The following RGS20 variants were observed in gnomAD, a reference collection of about 807,000 sequenced individuals.
RGS20 encodes gz-selective GTPase-activating protein.
Under a neutral mutation model 33.6 loss-of-function variants are expected in RGS20, and 30 were observed. The ratio of observed to expected loss-of-function variants is 0.89; its 90% CI spans 0.67 to 1.21. The LOEUF (loss-of-function observed/expected upper bound fraction) is 1.21. Ranked by LOEUF, RGS20 falls within the 50% of genes most tolerant of loss-of-function variation. The pLI is 0.00. For synonymous variants in RGS20, 208 were observed against 197.9 expected (o/e 1.05, Z -0.43); for missense variants, 472 against 502.4 (o/e 0.94, Z 0.58).
intron 2 of RGS20, among the ~76,000 whole-genome samples, chr8:53,910,461 T>A (rs895157942): frequency 6.6e-6 from 1 of 152,142 alleles, no homozygotes; most frequent in African/African-American, 2.4e-5. Context: ...GACAAGGATG[T>A]GGAACAATTG....
chr8:53,903,931 A>T (rs1585905431), intron 2 of RGS20, among the ~76,000 whole-genome samples: 1 of 152,174 alleles, frequency 6.6e-6, no homozygotes, highest in Admixed American at 6.5e-5. Flanking sequence ...AACTAGGGCC[A>T]TATCACGTGG....
Position 53,851,889 on chromosome 8 carries a change from A to G in RGS20, c.-11A>G, listed in dbSNP as rs1811571138. On this transcript the variant is annotated 5_prime_UTR_variant, in exon 1 of 6. Coordinates refer to ENST00000297313, the MANE Select transcript of RGS20 (RefSeq NM_170587.4). ...GCAACAGGACTCATTTGGGGCCTTT[A>G]TTGTGAAAACATGCCCCAGCTTTCC... The G allele has an allele frequency of 1.2e-6, 2 of 1,613,586 alleles. No individual in the cohort carries two copies. The highest frequency in any genetic ancestry group is 2.2e-5 in the South Asian group (2 of 91,052).
chr8:53,944,308 G>A (rs1187394035), intron 3 of RGS20, among the ~76,000 whole-genome samples: 1 of 152,176 alleles, frequency 6.6e-6, no homozygotes, highest in Non-Finnish European at 1.5e-5. Context: ...GGGAGGCCGA[G>A]GCGGGCAGAT....
At chr8:53,884,804 GCTA>G (rs1812492642) in intron 2 of RGS20, among the ~76,000 whole-genome samples, 1 of 152,220 alleles carries the variant, frequency 6.6e-6, no homozygotes, top group Non-Finnish European at 1.5e-5. Context: ...TCATGTCGTG[GCTA>G]CTGTTGTCCC....
intron 2 of RGS20, among the ~76,000 whole-genome samples, chr8:53,885,790 C>CTTTTTTT (rs1172257852): frequency 3.5e-5 from 4 of 112,742 alleles, no homozygotes; most frequent in Admixed American, 9.4e-5. Flanking sequence ...GTATCTTACT[C>CTTTTTTT]TTTTTTTTTT....
intron 2 of RGS20, among the ~76,000 whole-genome samples, chr8:53,917,800 T>C (rs1813531696): frequency 6.6e-6 from 1 of 152,166 alleles, no homozygotes; most frequent in African/African-American, 2.4e-5. Flanking sequence ...TTTAGTATAC[T>C]TACAAAGTTG....
intron 2 of RGS20, among the ~76,000 whole-genome samples, chr8:53,916,949 C>G (rs550198632): frequency 1.8e-3 from 280 of 152,194 alleles, no homozygotes; most frequent in African/African-American, 6.7e-3. Flanking sequence ...GACACGAATC[C>G]CTTTCATAAA....
intron 2 of RGS20, among the ~76,000 whole-genome samples, chr8:53,884,072 T>C (rs528722917): frequency 6.6e-6 from 1 of 152,136 alleles, no homozygotes; most frequent in African/African-American, 2.4e-5. Context: ...ATTATATTGA[T>C]GCTAAATTGG....
intron 1 of RGS20, among the ~76,000 whole-genome samples, chr8:53,861,203 C>G (rs930550053): frequency 6.6e-6 from 1 of 152,180 alleles, no homozygotes; most frequent in African/African-American, 2.4e-5. Context: ...TACACATCTT[C>G]TCTGTTTATC....
At chr8:53,940,935 ATATT>A (rs1814273417) in intron 3 of RGS20, among the ~76,000 whole-genome samples, 1 of 152,162 alleles carries the variant, frequency 6.6e-6, no homozygotes, top group South Asian at 2.1e-4. Flanking sequence ...TTAGGGGCCT[ATATT>A]CTCACTCTGC....
intron 4 of RGS20, among the ~76,000 whole-genome samples, chr8:53,949,845 CTTTT>C (rs146812689): frequency 6.9e-6 from 1 of 145,656 alleles, no homozygotes. Context: ...TAACACATTT[CTTTT>C]TTTTTTTTGA....
chr8:53,914,729 C>T (rs1813437514), intron 2 of RGS20: 1 of 152,114 alleles, frequency 6.6e-6, no homozygotes, highest in Non-Finnish European at 1.5e-5. Context: ...GTGCTCACTT[C>T]AGCAGCACAT....
At chr8:53,946,543 TC>T (rs775726730) in intron 3 of RGS20, 121 bp from the exon 3 acceptor site, 5 of 869,336 alleles carry the variant, frequency 5.8e-6, no homozygotes, top group Non-Finnish European at 9.7e-6. Context: ...CATTTTTTTT[TC>T]CAAGTAGAGG....
At chr8:53,911,395 A>G (rs1360318990) in intron 2 of RGS20, among the ~76,000 whole-genome samples, 3 of 152,258 alleles carry the variant, frequency 2.0e-5, no homozygotes, top group African/African-American at 7.2e-5. Flanking sequence ...AATCTGATTC[A>G]GATAAGAGGA....
intron 1 of RGS20, among the ~76,000 whole-genome samples, chr8:53,859,754 G>A (rs1302356391): frequency 6.6e-6 from 1 of 152,196 alleles, no homozygotes; most frequent in African/African-American, 2.4e-5. Flanking sequence ...CAATCATGGT[G>A]GAAGGCAAAG....
chr8:53,958,471 ATATT>A lies in RGS20; in HGVS notation c.*18_*21del, dbSNP rs1433473663. 14 of 1,324,370 alleles carry A rather than the reference ATATT, an allele frequency of 1.1e-5. No individual in the cohort carries two copies. The highest frequency in any genetic ancestry group is 2.8e-5 in the East Asian group (1 of 35,332). 82.0% of individuals were successfully genotyped at this position (1,324,370 alleles called of 1,614,324 possible). ...TATTGAAGCATAGGATTTTTCAAATATATTTATTATTAATAAAATAATAAAAGAA... is the reference window on the plus strand; with the variant it reads ...TATTGAAGCATAGGATTTTTCAAATATATTATTAATAAAATAATAAAAGAA... On this transcript the variant is annotated 3_prime_UTR_variant, in exon 6 of 6. Transcript: ENST00000297313.
chr8:53,873,356 A>G (rs1046626318), intron 1 of RGS20, among the ~76,000 whole-genome samples: 1 of 152,174 alleles, frequency 6.6e-6, no homozygotes, highest in Non-Finnish European at 1.5e-5. Context: ...CACGTCTCAA[A>G]CAGAAATTAT....
intron 2 of RGS20, among the ~76,000 whole-genome samples, chr8:53,932,209 G>A (rs1056582086): frequency 6.6e-6 from 1 of 152,074 alleles, no homozygotes; most frequent in African/African-American, 2.4e-5. Flanking sequence ...TGGCCATTTG[G>A]GCAGACACCG....
intron 4 of RGS20, among the ~76,000 whole-genome samples, chr8:53,952,979 A>G (rs910482975): frequency 6.6e-6 from 1 of 152,172 alleles, no homozygotes; most frequent in African/African-American, 2.4e-5. Flanking sequence ...TAAATGCAAC[A>G]TTATCAGTGC....
Sources: gnomAD v4.1 joint callset for allele counts (sites outside exome capture counted in the v4.1 genomes callset) on GRCh38, gnomAD v4.1.1 for gene constraint, MANE v1.5 for transcripts, NCBI Gene and HGNC (gene_info 2026-07-23, HGNC 2026-07-21) for gene names.